The following TLE4 variants were observed in gnomAD, a reference collection of about 807,000 sequenced individuals.
TLE4 encodes the protein transducin-like enhancer protein 4.
Under a neutral mutation model 92.8 loss-of-function variants are expected in TLE4, and 8 were observed. The ratio of observed to expected loss-of-function variants is 0.09; its 90% CI spans 0.05 to 0.16. TLE4 has a LOEUF of 0.16. Among genes scored for constraint, TLE4 ranks in the 10% least tolerant of loss-of-function variants. The pLI is 1.00. For synonymous variants in TLE4, 371 were observed against 374.1 expected (o/e 0.99, Z 0.10); for missense variants, 675 against 997.6 (o/e 0.68, Z 4.36).
At chr9:79,590,154 G>A (rs868076452) in intron 4 of TLE4, among the ~76,000 whole-genome samples, 2 of 152,162 alleles carry the variant, frequency 1.3e-5, no homozygotes, top group Admixed American at 6.5e-5. Flanking sequence ...CCTCTGGCTA[G>A]CTTGGTTAAC....
At chr9:79,611,584 A>G (rs879807789) in intron 4 of TLE4, among the ~76,000 whole-genome samples, 2 of 152,028 alleles carry the variant, frequency 1.3e-5, no homozygotes, top group Non-Finnish European at 2.9e-5. Context: ...CTGACCCTGG[A>G]TGGAATTTAA....
chr9:79,575,079 C>A (rs1291046579), intron 3 of TLE4, 143 bp downstream of exon 3: 3 of 574,550 alleles, frequency 5.2e-6, no homozygotes, highest in Non-Finnish European at 9.5e-6. Context: ...TGTCTATTAG[C>A]AACCTGTAAT....
chr9:79,709,483 A>G, intron 13 of TLE4, 140 bp from the exon 14 acceptor site: 1 of 616,304 alleles, frequency 1.6e-6, no homozygotes, highest in South Asian at 2.5e-5. Context: ...CATTTCACCA[A>G]TAAATACTTC....
chr9:79,679,632 T>G (rs2064044318), intron 8 of TLE4, among the ~76,000 whole-genome samples: 2 of 152,230 alleles, frequency 1.3e-5, no homozygotes, highest in South Asian at 4.1e-4. Flanking sequence ...TAGATCCCAT[T>G]TGTCAATTTT....
At chr9:79,667,747 C>A (rs1400767227) in intron 8 of TLE4, among the ~76,000 whole-genome samples, 1 of 152,106 alleles carries the variant, frequency 6.6e-6, no homozygotes, top group Non-Finnish European at 1.5e-5. Flanking sequence ...CTACACGACC[C>A]CACCCTCAAT....
intron 8 of TLE4, among the ~76,000 whole-genome samples, chr9:79,660,701 T>C (rs1358451044): frequency 6.6e-6 from 1 of 152,242 alleles, no homozygotes; most frequent in Non-Finnish European, 1.5e-5. Context: ...TCTAGGCATG[T>C]AAACTGTGTG....
rs747981258 is a variant in TLE4 at position 79,708,262 on chromosome 9, A to G, written c.1069+12A>G. ...AGTTGACCCTTTGGGTTAGTAAGAA[A>G]AAAGTTTTTTCTATATTTTTATGCT... On this transcript the variant is annotated intron_variant, in intron 12 of 19. Transcript: ENST00000376552. The G allele has an allele frequency of 1.3e-5, 21 of 1,611,342 alleles. No individual in the cohort carries two copies. In the East Asian group the frequency reaches 4.7e-4, roughly 36 times the overall value.
At chr9:79,666,211 T>G (rs565857398) in intron 8 of TLE4, among the ~76,000 whole-genome samples, 14,455 of 69,468 alleles carry the variant, frequency 0.21, 901 homozygotes, top group Middle Eastern at 0.27. Flanking sequence ...GGGGTTTTTT[T>G]TTTTTGTTTT....
chr9:79,618,748 A>G lies in TLE4; in HGVS notation c.315+6030A>G, dbSNP rs77727579. Among the ~76,000 whole-genome samples the G allele has an allele frequency of 2.9e-3, 445 of 152,334 alleles. 2 individuals are homozygous for G. Among genetic ancestry groups the G allele is most frequent in the African/African-American group, 0.01 (417 of 41,564 alleles). On this transcript the variant is annotated intron_variant, in intron 5 of 19. Coordinates refer to ENST00000376552, the MANE Select transcript of TLE4 (RefSeq NM_007005.6). ...GCCCTGCAGGCTAGTCCTCACAGCA[A>G]TGATGAGGAGCACACCTGGGGGCCT...
intron 3 of TLE4, 117 bp from the exon 4 acceptor site, chr9:79,576,016 A>G (rs2037642711): frequency 1.8e-6 from 1 of 564,572 alleles, no homozygotes; most frequent in Non-Finnish European, 2.9e-6. Context: ...TTATATGAAG[A>G]TACTGGTTTA....
chr9:79,616,343 G>A (rs907051145), intron 5 of TLE4, among the ~76,000 whole-genome samples: 1 of 152,138 alleles, frequency 6.6e-6, no homozygotes, highest in African/African-American at 2.4e-5. Flanking sequence ...TAATCATAGC[G>A]TGAAACACAT....
chr9:79,705,993 A>G, intron 10 of TLE4, 51 bp downstream of exon 10: 2 of 1,531,594 alleles, frequency 1.3e-6, no homozygotes, highest in Non-Finnish European at 1.8e-6. Context: ...CATATCAAAG[A>G]CTAGTTGCCC....
intron 6 of TLE4, among the ~76,000 whole-genome samples, chr9:79,632,264 T>C (rs989887229): frequency 6.6e-6 from 1 of 152,224 alleles, no homozygotes; most frequent in Non-Finnish European, 1.5e-5. Context: ...CCGCATTCTC[T>C]GGGGGAGACA....
At position 79,718,909 on chromosome 9, in the gene TLE4, G is replaced by A. The variant is rs747537582; in HGVS notation, c.1528G>A (p.Val510Ile). The A allele has an allele frequency of 1.4e-5, 22 of 1,614,126 alleles. No individual in the cohort carries two copies. The highest frequency in any genetic ancestry group is 8.9e-5 in the East Asian group (4 of 44,890). Residue 510 changes from valine (V) to isoleucine (I), a missense_variant, in exon 15 of 20, where the codon GTC becomes ATC. Physicochemically the swap from Val to Ile is conservative, Grantham distance 29 (BLOSUM62 3). This residue lies in a region of TLE4 where 170 missense variants were observed against 359.6 expected (regional missense o/e 0.47). Coordinates refer to ENST00000376552, the MANE Select transcript of TLE4 (RefSeq NM_007005.6). ...RHVYTGGKGC[V>I]KVWDISHPGN... Reference sequence around the variant, plus strand: ...CGTGTACACGGGTGGGAAGGGCTGCGTCAAGGTCTGGGACATCAGCCACCC... The same window carrying A: ...CGTGTACACGGGTGGGAAGGGCTGCATCAAGGTCTGGGACATCAGCCACCC...
At chr9:79,717,686 T>C (rs1024776628) in intron 14 of TLE4, among the ~76,000 whole-genome samples, 2 of 152,248 alleles carry the variant, frequency 1.3e-5, no homozygotes, top group African/African-American at 2.4e-5. Flanking sequence ...TTCCGCAGTT[T>C]GGTCCAGCTT....
intron 6 of TLE4, among the ~76,000 whole-genome samples, chr9:79,644,077 C>T (rs1490363885): frequency 6.6e-6 from 1 of 152,006 alleles, no homozygotes; most frequent in Admixed American, 6.6e-5. Flanking sequence ...AATTATAGTT[C>T]CTACAATCCC....
chr9:79,639,593 T>C (rs548999893), intron 6 of TLE4, among the ~76,000 whole-genome samples: 9 of 152,328 alleles, frequency 5.9e-5, no homozygotes, highest in African/African-American at 2.2e-4. Flanking sequence ...GTTTCATTTA[T>C]GATAAGTGCT....
intron 4 of TLE4, chr9:79,576,655 A>G (rs578064258): frequency 2.6e-5 from 4 of 152,304 alleles, no homozygotes; most frequent in Admixed American, 2.0e-4. Context: ...TTGATGTAAA[A>G]TCCTTGTACT....
At chr9:79,678,577 A>G (rs749982922) in intron 8 of TLE4, among the ~76,000 whole-genome samples, 16 of 151,892 alleles carry the variant, frequency 1.1e-4, no homozygotes, top group Non-Finnish European at 1.9e-4. Context: ...TTTAGGTTTC[A>G]GTGGCACTCT....
Sources: allele counts gnomAD v4.1 joint callset (sites outside exome capture counted in the v4.1 genomes callset), GRCh38; gene constraint gnomAD v4.1.1; regional missense constraint gnomAD v4.1.1; transcripts MANE v1.5; gene names NCBI Gene and HGNC (gene_info 2026-07-23, HGNC 2026-07-21).